GRID2: variants seen among roughly 807,000 people sequenced by gnomAD.
The protein encoded by GRID2 is glutamate ionotropic receptor delta type subunit 2.
In GRID2, 33 loss-of-function variants were observed where a neutral mutation model predicts 114.8. The ratio of observed to expected loss-of-function variants is 0.29; its 90% CI spans 0.22 to 0.38. GRID2 has a LOEUF of 0.38. Among genes scored for constraint, GRID2 ranks in the 10% least tolerant of loss-of-function variants. The pLI, the probability that GRID2 is intolerant of heterozygous loss-of-function variation, is 1.00. For missense variants in GRID2, 1,184 were observed against 1,257.7 expected (o/e 0.94, Z 0.89); for synonymous variants, 505 against 449.9 (o/e 1.12, Z -1.55).
intron 2 of GRID2, among the ~76,000 whole-genome samples, chr4:92,796,431 T>A (rs913724732): frequency 6.6e-6 from 1 of 151,942 alleles, no homozygotes; most frequent in African/African-American, 2.4e-5. Flanking sequence ...ACCGAAAGAC[T>A]GACAGCTCGT....
chr4:92,532,968 A>G (rs530402291), intron 1 of GRID2, among the ~76,000 whole-genome samples: 1 of 152,062 alleles, frequency 6.6e-6, no homozygotes, highest in Non-Finnish European at 1.5e-5. Context: ...TAGTCCAGCT[A>G]CTCAGCTACT....
chr4:92,416,804 T>C (rs946507807), intron 1 of GRID2, among the ~76,000 whole-genome samples: 5 of 152,146 alleles, frequency 3.3e-5, no homozygotes, highest in African/African-American at 7.2e-5. Flanking sequence ...TTGGTAACTA[T>C]AGCTTGTAGT....
chr4:92,843,411 A>C (rs908147737), intron 2 of GRID2, among the ~76,000 whole-genome samples: 2 of 152,012 alleles, frequency 1.3e-5, no homozygotes, highest in Admixed American at 6.6e-5. Flanking sequence ...GCCCTGTAGA[A>C]CTTTGGTTTT....
intron 2 of GRID2, among the ~76,000 whole-genome samples, chr4:92,895,301 C>A (rs1377152577): frequency 1.3e-5 from 2 of 149,272 alleles, no homozygotes. Context: ...GCTGGTAGAT[C>A]TACTCCAGTA....
intron 13 of GRID2, among the ~76,000 whole-genome samples, chr4:93,545,615 G>C (rs1245412259): frequency 6.6e-6 from 1 of 152,142 alleles, no homozygotes; most frequent in African/African-American, 2.4e-5. Flanking sequence ...CTGTCCATGG[G>C]AGCCGATTCT....
intron 11 of GRID2, among the ~76,000 whole-genome samples, chr4:93,466,729 C>T (rs1056200666): frequency 4.6e-5 from 7 of 151,998 alleles, no homozygotes; most frequent in African/African-American, 1.7e-4. Flanking sequence ...CTGTCTGAGC[C>T]CTGCCTCTGG....
chr4:93,068,676 G>A (rs949198376), intron 2 of GRID2, among the ~76,000 whole-genome samples: 1 of 142,318 alleles, frequency 7.0e-6, no homozygotes, highest in Non-Finnish European at 1.5e-5. Context: ...CCTACTCAAA[G>A]TAGCCTTTCC....
intron 2 of GRID2, among the ~76,000 whole-genome samples, chr4:92,883,738 T>C (rs1746177539): frequency 6.6e-6 from 1 of 152,214 alleles, no homozygotes; most frequent in South Asian, 2.1e-4. Flanking sequence ...TTGTAAGTTA[T>C]ACTGTTTTCT....
chr4:93,131,269 C>T (rs1446784062), intron 4 of GRID2, among the ~76,000 whole-genome samples: 7 of 150,090 alleles, frequency 4.7e-5, no homozygotes, highest in Non-Finnish European at 8.9e-5. Context: ...TTCTCCTACC[C>T]CAGCCTTCTG....
chr4:93,361,188 C>A (rs1267307354), intron 8 of GRID2, among the ~76,000 whole-genome samples: 1 of 151,834 alleles, frequency 6.6e-6, no homozygotes, highest in Non-Finnish European at 1.5e-5. Flanking sequence ...TGATTATCAT[C>A]CCATTTACTG....
At chr4:93,647,797 T>C (rs1722243421) in intron 14 of GRID2, among the ~76,000 whole-genome samples, 1 of 152,190 alleles carries the variant, frequency 6.6e-6, no homozygotes, top group Admixed American at 6.5e-5. Flanking sequence ...ATTTAAAGAA[T>C]TGACAGATAA....
intron 2 of GRID2, among the ~76,000 whole-genome samples, chr4:92,666,400 T>C (rs1732778573): frequency 6.6e-6 from 1 of 151,550 alleles, no homozygotes; most frequent in Non-Finnish European, 1.5e-5. Flanking sequence ...TATCAGGACT[T>C]TCTCAAGGAC....
intron 1 of GRID2, among the ~76,000 whole-genome samples, chr4:92,380,420 C>G (rs577063417): frequency 6.6e-6 from 1 of 152,008 alleles, no homozygotes; most frequent in African/African-American, 2.4e-5. Context: ...ATTTGTAACA[C>G]AGATCTTTTG....
At chr4:92,339,193 T>C (rs1727346397) in intron 1 of GRID2, among the ~76,000 whole-genome samples, 1 of 152,154 alleles carries the variant, frequency 6.6e-6, no homozygotes, top group Non-Finnish European at 1.5e-5. Context: ...CAGCACCTTC[T>C]TATTTCCCAT....
At chr4:93,076,102 C>T (rs1218658499) in intron 2 of GRID2, among the ~76,000 whole-genome samples, 1 of 151,816 alleles carries the variant, frequency 6.6e-6, no homozygotes, top group Non-Finnish European at 1.5e-5. Flanking sequence ...CGGGTTTCAC[C>T]GTGTTAGCCA....
At chr4:93,494,328 A>G (rs1347991627) in intron 12 of GRID2, among the ~76,000 whole-genome samples, 2 of 151,778 alleles carry the variant, frequency 1.3e-5, no homozygotes, top group Non-Finnish European at 2.9e-5. Flanking sequence ...TCTGCAGACT[A>G]CAATGGGCAG....
At chr4:92,685,892 G>A (rs1369039230) in intron 2 of GRID2, among the ~76,000 whole-genome samples, 1 of 152,000 alleles carries the variant, frequency 6.6e-6, no homozygotes, top group Non-Finnish European at 1.5e-5. Flanking sequence ...AGTAAAGTGA[G>A]TATGATTTTG....
At chr4:93,479,335 G>A (rs543552443) in intron 11 of GRID2, among the ~76,000 whole-genome samples, 1 of 152,196 alleles carries the variant, frequency 6.6e-6, no homozygotes, top group East Asian at 1.9e-4. Flanking sequence ...AAAAAAATGT[G>A]TGAAGTGCAA....
At chr4:93,243,494 T>C (rs1254031586) in intron 8 of GRID2, among the ~76,000 whole-genome samples, 1 of 152,030 alleles carries the variant, frequency 6.6e-6, no homozygotes, top group Non-Finnish European at 1.5e-5. Flanking sequence ...TGTCAGTGTT[T>C]ATTCTGCTGC....
Sources: allele counts gnomAD v4.1 joint callset (sites outside exome capture counted in the v4.1 genomes callset), GRCh38; gene constraint gnomAD v4.1.1; transcripts MANE v1.5; gene names NCBI Gene and HGNC (gene_info 2026-07-23, HGNC 2026-07-21).